The following NMUR1 variants were observed in gnomAD, a reference collection of about 807,000 sequenced individuals.
The protein encoded by NMUR1 is neuromedin U receptor 1, also known as neuromedin-U receptor 1.
In NMUR1, 16 loss-of-function variants were observed where a neutral mutation model predicts 18.8. That is an observed-to-expected ratio of 0.85 (90% confidence interval 0.58 to 1.29). NMUR1 has a LOEUF of 1.29. NMUR1 is among the 50% of genes most tolerant of loss of function. The pLI, the probability that NMUR1 is intolerant of heterozygous loss-of-function variation, is 0.00. For missense variants in NMUR1, 529 were observed against 580.3 expected (o/e 0.91, Z 0.91); for synonymous variants, 258 against 258.2 (o/e 1.00, Z 0.01).
Position 231,528,825 on chromosome 2 carries a change from T to A in NMUR1, c.196A>T (p.Thr66Ser), listed in dbSNP as rs1429402304. Residue 66 changes from threonine to serine, a missense_variant, in exon 2 of 3, where the codon ACA (threonine) becomes TCA (serine). Coordinates refer to ENST00000305141, the MANE Select transcript of NMUR1 (RefSeq NM_006056.5). ...CCCACCACGAAGATCAGCAGGTATG[T>A]GGCACAGATGGGCATGAACAGCTCT... ...QTELFMPICATYLLIFVVGAV... is the reference protein window; with the variant it reads ...QTELFMPICASYLLIFVVGAV... 8.1e-6 allele frequency: 13 copies of A among 1,614,102 alleles called. No individual in the cohort carries two copies. Among genetic ancestry groups the A allele is most frequent in the Non-Finnish European group, 1.1e-5 (13 of 1,180,038 alleles).
downstream of NMUR1, among the ~76,000 whole-genome samples, chr2:231,522,006 C>G (rs2047309235): frequency 7.6e-6 from 1 of 130,796 alleles, no homozygotes; most frequent in Non-Finnish European, 1.6e-5. Flanking sequence ...GAGACAGGGC[C>G]TCACTCCAAT....
intron 1 of NMUR1, 106 bp downstream of exon 1, chr2:231,530,229 TCCCCGGTGGCGGGGACGGGGGGCA>T (rs1224336463): frequency 1.8e-6 from 2 of 1,140,038 alleles, no homozygotes; most frequent in Non-Finnish European, 2.4e-6. Context: ...GTTGCGAGGC[TCCCCGGTGGCGGGGACGGGGGGCA>T]CCCCGACGGA....
rs1219557642 is a variant in NMUR1 at position 231,523,508 on chromosome 2, T to A, written c.*1535A>T. 4 of 278,394 alleles carry A rather than the reference T, an allele frequency of 1.4e-5. No individual in the cohort carries two copies. Among genetic ancestry groups the A allele is most frequent in the African/African-American group, 8.6e-5 (4 of 46,554 alleles). The allele number at this position is 278,394 out of a possible 1,614,324, so 17.2% of individuals were successfully genotyped here. A position where few individuals can be genotyped will look rare whatever the true frequency, so the allele number is the denominator to read the frequency against. On this transcript the variant is annotated 3_prime_UTR_variant, in exon 3 of 3. Transcript: ENST00000305141. ...CTTTCCAAATTTTCTATCATGAGCA[T>A]TTATTATTTTTATAATTGAATTTTT...
At chr2:231,530,265 C>T (rs1417527105) in intron 1 of NMUR1, 94 bp downstream of exon 1, 5 of 1,404,106 alleles carry the variant, frequency 3.6e-6, no homozygotes, top group Non-Finnish European at 4.8e-6. Flanking sequence ...CCCGACGGAG[C>T]CCTCGGACCC....
chr2:231,525,277 C>T lies in NMUR1; in HGVS notation c.1047G>A (p.Ser349=), dbSNP rs764901629. 25 of 1,614,026 alleles carry T rather than the reference C, an allele frequency of 1.5e-5. No individual in the cohort carries two copies. Among genetic ancestry groups the T allele is most frequent in the East Asian group, 4.5e-5 (2 of 44,876 alleles). ...VISGIFFYLG[S]AANPVLYSLM... ...GGCTATAGAGCACGGGGTTGGCCGC[C>T]GAGCCCAGGTAGAAGAAGATGCCGG... The change falls in exon 3 of 3, where the codon TCG becomes TCA. Residue 349 remains serine, a synonymous_variant. Transcript: ENST00000305141.
At position 231,528,698 on chromosome 2, in the gene NMUR1, A is replaced by T. The variant is rs1164619889; in HGVS notation, c.323T>A (p.Leu108Gln). The stretch of plus-strand genomic sequence containing the variant: ...CAGGGGCAGGCCCACCAGCAGCACC[A>T]GCAGGTCCGACACGGCCAGGCTGAA... ...YLFSLAVSDLLVLLVGLPLEL... is the reference protein window; with the variant it reads ...YLFSLAVSDLQVLLVGLPLEL... Residue 108 changes from leucine to glutamine, a missense_variant, in exon 2 of 3, where the codon CTG becomes CAG. Coordinates refer to ENST00000305141, the MANE Select transcript of NMUR1 (RefSeq NM_006056.5). 4.3e-6 allele frequency: 7 copies of T among 1,614,246 alleles called. No homozygotes were observed. The highest frequency in any genetic ancestry group is 5.9e-6 in the Non-Finnish European group (7 of 1,180,042).
In NMUR1 at chr2:231,530,417, G is replaced by C. The variant is rs1216679675; in HGVS notation, c.-56C>G. On this transcript the variant is annotated 5_prime_UTR_variant, in exon 1 of 3. Transcript: ENST00000305141. ...CACCCTCCGAGCGACGGACACAGAC[G>C]CGGCGCGGGAGCCAGTGGACTGACT... 1.4e-6 allele frequency: 2 copies of C among 1,463,866 alleles called. No individual in the cohort carries two copies. Among genetic ancestry groups the C allele is most frequent in the East Asian group, 2.9e-5 (1 of 34,042 alleles). 90.7% of individuals were successfully genotyped at this position (1,463,866 alleles called of 1,614,324 possible).
At position 231,528,224 on chromosome 2, in the gene NMUR1, A is replaced by T; in HGVS notation, c.797T>A (p.Met266Lys). The change falls in exon 2 of 3, where the codon ATG becomes AAG. Residue 266 changes from methionine (M) to lysine (K), a missense_variant. By Grantham distance (95) the Met-to-Lys change is moderately conservative. Transcript: ENST00000305141. ...AGAGCCCCTGCCCTTGGCCTCCTGC[A>T]TGAGCAGCAGCCTCTCCCGCCGCAG... is the stretch of plus-strand genomic sequence containing the variant. ...LRLRRERLLL[M>K]QEAKGRGSAA... 1.2e-6 allele frequency: 2 copies of T among 1,612,704 alleles called. No individual in the cohort carries two copies. The highest frequency in any genetic ancestry group is 1.7e-6 in the Non-Finnish European group (2 of 1,179,524).
chr2:231,530,333 G>T lies in NMUR1; in HGVS notation c.3+26C>A, dbSNP rs754220974. The T allele has an allele frequency of 2.7e-6, 4 of 1,496,018 alleles. No individual in the cohort carries two copies. The South Asian group carries it at 5.0e-5, about 19-fold the overall frequency. 92.7% of individuals were successfully genotyped at this position (1,496,018 alleles called of 1,614,324 possible). ...GCCCCGGCCCAGCTGCCGCGCCCTAGCCCACGCCGGCGCCTGCGCACCTAC... is the reference window on the plus strand; with the variant it reads ...GCCCCGGCCCAGCTGCCGCGCCCTATCCCACGCCGGCGCCTGCGCACCTAC... On this transcript the variant is annotated intron_variant, in intron 1 of 2. Transcript: ENST00000305141.
At position 231,528,421 on chromosome 2, in the gene NMUR1, G is replaced by A. The variant is rs370312738; in HGVS notation, c.600C>T (p.His200=). 4.1e-5 allele frequency: 66 copies of A among 1,613,558 alleles called. No individual in the cohort carries two copies. The highest frequency in any genetic ancestry group is 8.0e-5 in the African/African-American group (6 of 74,948). ...AGGGCACGTGCAGCTGCCGGATGCC[G>A]TGCAGGCTGGTGTTGGGCAGGGAGC... ...MLCSLPNTSL[H]GIRQLHVPCR... is the part of the protein sequence containing the mutation. The change falls in exon 2 of 3, where the codon CAC becomes CAT. Residue 200 remains histidine, a synonymous_variant. Transcript: ENST00000305141.
intron 1 of NMUR1, among the ~76,000 whole-genome samples, chr2:231,530,094 G>A (rs894749190): frequency 6.6e-6 from 1 of 151,912 alleles, no homozygotes; most frequent in Non-Finnish European, 1.5e-5. Context: ...CGGGAGCCTC[G>A]GGAACCAGTT....
chr2:231,518,630 G>T (rs200392076), downstream of NMUR1, among the ~76,000 whole-genome samples: 1 of 150,194 alleles, frequency 6.7e-6, no homozygotes, highest in Non-Finnish European at 1.5e-5. Context: ...GTGGTTTTTT[G>T]TACTTTTTTC....
downstream of NMUR1, among the ~76,000 whole-genome samples, chr2:231,521,773 G>A (rs1395835998): frequency 6.6e-6 from 1 of 152,134 alleles, no homozygotes; most frequent in Non-Finnish European, 1.5e-5. Context: ...GGGGACCAAG[G>A]AGAATGCAGC....
chr2:231,521,145 G>C (rs2047301004), downstream of NMUR1, among the ~76,000 whole-genome samples: 1 of 152,200 alleles, frequency 6.6e-6, no homozygotes, highest in South Asian at 2.1e-4. Flanking sequence ...GAGGCCAACG[G>C]TGGGCAGATT....
Position 231,524,534 on chromosome 2 carries a change from G to T in NMUR1, c.*509C>A, listed in dbSNP as rs910677848. On this transcript the variant is annotated 3_prime_UTR_variant, in exon 3 of 3. Transcript: ENST00000305141. ...CGCGCCACTGCACTCTAGCCTGGGCGACAGAGTGAGACTCTGTCTCAGAAA... is the reference window on the plus strand; with the variant it reads ...CGCGCCACTGCACTCTAGCCTGGGCTACAGAGTGAGACTCTGTCTCAGAAA... The T allele has an allele frequency of 6.5e-6, 1 of 153,234 alleles. No individual in the cohort carries two copies. Among genetic ancestry groups the T allele is most frequent in the Non-Finnish European group, 1.5e-5 (1 of 68,808 alleles). 9.5% of individuals were successfully genotyped at this position (153,234 alleles called of 1,614,324 possible).
chr2:231,528,713 G>C lies in NMUR1; in HGVS notation c.308C>G (p.Ala103Gly), dbSNP rs865864164. The change falls in exon 2 of 3, where the codon GCC becomes GGC. Residue 103 changes from alanine to glycine, a missense_variant. Transcript: ENST00000305141. ...TPTNYYLFSL[A>G]VSDLLVLLVG... is the part of the protein sequence containing the mutation. ...CAGCAGCACCAGCAGGTCCGACACG[G>C]CCAGGCTGAAGAGGTAGTAGTTGGT... 1 of 1,614,254 alleles carries C rather than the reference G, an allele frequency of 6.2e-7. No homozygotes were observed. The highest frequency in any genetic ancestry group is 1.6e-4 in the Middle Eastern group (1 of 6,062).
chr2:231,522,615 A>T (rs1355471836), downstream of NMUR1, among the ~76,000 whole-genome samples: 2 of 58,362 alleles, frequency 3.4e-5, no homozygotes, highest in Admixed American at 1.8e-4. Flanking sequence ...CCTATCCCCC[A>T]CCCTCCCCCA....
chr2:231,527,644 A>AC (rs2047369416), intron 2 of NMUR1, among the ~76,000 whole-genome samples: 2 of 79,470 alleles, frequency 2.5e-5, no homozygotes, highest in South Asian at 1.4e-3. Context: ...TCTCAAAAAA[A>AC]AAAAAAAAAA....
At chr2:231,521,213 A>C (rs966044595), downstream of NMUR1, among the ~76,000 whole-genome samples, 17 of 152,156 alleles carry the variant, frequency 1.1e-4, no homozygotes, top group African/African-American at 3.9e-4. Context: ...GTGCCTCTAC[A>C]ACACAAGAAA....
Sources: allele counts gnomAD v4.1 joint callset (sites outside exome capture counted in the v4.1 genomes callset), GRCh38; gene constraint gnomAD v4.1.1; transcripts MANE v1.5; gene names NCBI Gene and HGNC (gene_info 2026-07-23, HGNC 2026-07-21).